Variants in PKNOX2 observed in about 807,000 individuals in gnomAD.
The protein encoded by PKNOX2 is homeobox protein PKNOX2.
A neutral mutation model predicts 53.1 loss-of-function variants in PKNOX2; 14 were observed. The ratio of observed to expected loss-of-function variants is 0.26; its 90% CI spans 0.17 to 0.41. PKNOX2 has a LOEUF of 0.41. Among genes scored for constraint, PKNOX2 ranks in the 10% least tolerant of loss-of-function variants. PKNOX2 has a pLI of 1.00. For synonymous variants in PKNOX2, 257 were observed against 242.8 expected (o/e 1.06, Z -0.54); for missense variants, 496 against 602.8 (o/e 0.82, Z 1.85).
Position 125,385,577 on chromosome 11 carries a change from T to A in PKNOX2, c.254T>A (p.Leu85Gln). The A allele has an allele frequency of 1.2e-6, 2 of 1,611,604 alleles. No individual in the cohort carries two copies. Among genetic ancestry groups the A allele is most frequent in the Non-Finnish European group, 1.7e-6 (2 of 1,179,092 alleles). ...CACCCTCTTTTCCCGCTCCTGACGC[T>A]GCTGTTTGAGAAATGTGAACAGGCC... ...YRHPLFPLLT[L>Q]LFEKCEQATQ... Residue 85 changes from leucine to glutamine, a missense_variant, in exon 6 of 13, where the codon CTG becomes CAG. By Grantham distance (113) the Leu-to-Gln change is moderately radical (BLOSUM62 -2). Transcript: ENST00000298282.
intron 1 of PKNOX2, among the ~76,000 whole-genome samples, chr11:125,230,150 G>C (rs912263705): frequency 6.6e-6 from 1 of 152,244 alleles, no homozygotes; most frequent in Non-Finnish European, 1.5e-5. Context: ...GGCACAGGGG[G>C]CTGAGGACTA....
intron 1 of PKNOX2, among the ~76,000 whole-genome samples, chr11:125,212,417 G>A (rs1366469742): frequency 2.6e-5 from 4 of 150,990 alleles, no homozygotes; most frequent in Admixed American, 6.6e-5. Flanking sequence ...GCCCCGACAG[G>A]TCAACACTGG....
chr11:125,173,153 T>G (rs1955447974), intron 1 of PKNOX2, among the ~76,000 whole-genome samples: 1 of 152,196 alleles, frequency 6.6e-6, no homozygotes, highest in Admixed American at 6.5e-5. Flanking sequence ...TATTTAAGAC[T>G]GCTGTGAAAA....
At chr11:125,258,935 G>A (rs539827550) in intron 2 of PKNOX2, 5 of 326,742 alleles carry the variant, frequency 1.5e-5, no homozygotes, top group African/African-American at 4.4e-5. Flanking sequence ...CAGAAGCCGT[G>A]AAAACAGCAA....
At chr11:125,264,417 C>T (rs1266889473) in intron 2 of PKNOX2, among the ~76,000 whole-genome samples, 2 of 152,134 alleles carry the variant, frequency 1.3e-5, no homozygotes, top group Non-Finnish European at 2.9e-5. Flanking sequence ...ATTTCATTTT[C>T]AGAAAGGAGC....
At chr11:125,337,511 C>A (rs1426943482) in intron 3 of PKNOX2, among the ~76,000 whole-genome samples, 2 of 152,180 alleles carry the variant, frequency 1.3e-5, no homozygotes, top group African/African-American at 2.4e-5. Flanking sequence ...ATGGCTGCAC[C>A]ATCTCCTTGT....
chr11:125,268,883 C>A (rs1945558415), intron 2 of PKNOX2, among the ~76,000 whole-genome samples: 1 of 146,804 alleles, frequency 6.8e-6, no homozygotes, highest in Admixed American at 7.0e-5. Context: ...TCCCATTAGT[C>A]ATTCTGGCGC....
intron 1 of PKNOX2, among the ~76,000 whole-genome samples, chr11:125,195,500 C>A (rs976154327): frequency 6.6e-6 from 1 of 151,838 alleles, no homozygotes; most frequent in East Asian, 1.9e-4. Context: ...GTCTTGGGGA[C>A]GGTCGAGGGT....
rs1401136767 is a variant in PKNOX2, at chr11:125,365,148, C to T, written c.88-2698C>T. ...AAAGGGTACTCTCATGTTTCCCCTT[C>T]TCACCCACCCCCCAAATCTTGCCTA... On this transcript the variant is annotated intron_variant, in intron 4 of 12. Transcript: ENST00000298282. Among the ~76,000 whole-genome samples, 6 of 152,230 alleles carry T rather than the reference C, an allele frequency of 3.9e-5. No homozygotes were observed. In the East Asian group the frequency reaches 7.7e-4, roughly 20 times the overall value.
chr11:125,268,940 GC>G (rs1945564266), intron 2 of PKNOX2, among the ~76,000 whole-genome samples: 1 of 121,446 alleles, frequency 8.2e-6, no homozygotes, highest in Non-Finnish European at 1.7e-5. Flanking sequence ...TGGGGGAGAT[GC>G]CCATGGCGGG....
At chr11:125,391,414 G>T (rs76565512) in intron 6 of PKNOX2, among the ~76,000 whole-genome samples, 1 of 152,170 alleles carries the variant, frequency 6.6e-6, no homozygotes, top group Non-Finnish European at 1.5e-5. Flanking sequence ...GCATTTGATG[G>T]TGGAGGGAGG....
At chr11:125,206,611 C>T (rs1346979299) in intron 1 of PKNOX2, among the ~76,000 whole-genome samples, 3 of 152,086 alleles carry the variant, frequency 2.0e-5, no homozygotes, top group South Asian at 4.2e-4. Flanking sequence ...TGCTTTGCTA[C>T]TTGCGAGCTG....
intron 4 of PKNOX2, 116 bp from the exon 5 acceptor site, chr11:125,367,730 T>G: frequency 8.8e-7 from 1 of 1,132,446 alleles, no homozygotes; most frequent in Non-Finnish European, 1.2e-6. Flanking sequence ...CACAGTTCTC[T>G]TGGCCTCTTG....
At chr11:125,248,463 A>T (rs1943728216) in intron 2 of PKNOX2, among the ~76,000 whole-genome samples, 1 of 152,116 alleles carries the variant, frequency 6.6e-6, no homozygotes, top group Non-Finnish European at 1.5e-5. Context: ...AAATCTTGCG[A>T]CTTTACTTAT....
intron 1 of PKNOX2, among the ~76,000 whole-genome samples, chr11:125,221,753 A>T (rs1407750903): frequency 2.0e-5 from 3 of 151,704 alleles, no homozygotes; most frequent in South Asian, 2.1e-4. Context: ...TTTTTTTTTT[A>T]AATGCACATA....
rs1407711772 is a variant in PKNOX2 at position 125,352,604 on chromosome 11, C to T, written c.87+1212C>T. 6.6e-6 allele frequency among the ~76,000 whole-genome samples: 1 copy of T among 152,174 alleles called. No individual in the cohort carries two copies. The highest frequency in any genetic ancestry group is 1.5e-5 in the Non-Finnish European group (1 of 68,024). On this transcript the variant is annotated intron_variant, in intron 4 of 12. Transcript: ENST00000298282. This position sits in a 1 kb window ranked among gnomAD's most constrained non-coding sequence, Gnocchi z 4.1. ...TAGTAGCTGCTTTATACATCATTGT[C>T]ATCCTCTGGGAGATTACCAGATGCT...
chr11:125,226,770 T>C (rs1413720879), intron 1 of PKNOX2, among the ~76,000 whole-genome samples: 1 of 151,546 alleles, frequency 6.6e-6, no homozygotes, highest in Non-Finnish European at 1.5e-5. Context: ...CAGGTTTTTT[T>C]TTTTCCTTTT....
chr11:125,268,465 A>G (rs977185995), intron 2 of PKNOX2, among the ~76,000 whole-genome samples: 1 of 152,190 alleles, frequency 6.6e-6, no homozygotes, highest in East Asian at 1.9e-4. Context: ...TTGTAAGGGA[A>G]TTCAGATGTA....
intron 2 of PKNOX2, among the ~76,000 whole-genome samples, chr11:125,300,757 G>T (rs547373146): frequency 2.2e-4 from 33 of 152,282 alleles, no homozygotes; most frequent in African/African-American, 7.9e-4. Flanking sequence ...ACTCTCCCCA[G>T]ATCCCAACAG....
Sources: gnomAD v4.1 joint callset for allele counts (sites outside exome capture counted in the v4.1 genomes callset) on GRCh38, gnomAD v4.1.1 for gene constraint, Gnocchi (gnomAD v3.1) non-coding constraint, MANE v1.5 for transcripts, NCBI Gene and HGNC (gene_info 2026-07-23, HGNC 2026-07-21) for gene names.